ITCH: variants seen among roughly 807,000 people sequenced by gnomAD.
The protein encoded by ITCH is E3 ubiquitin-protein ligase Itchy homolog.
ITCH carries 28 observed loss-of-function variants against 126.8 expected under a neutral mutation model. The observed-to-expected ratio is 0.22, with a 90% confidence interval of 0.16 to 0.30. The LOEUF is 0.30. Among genes scored for constraint, ITCH ranks in the 10% least tolerant of loss-of-function variants. The probability of loss-of-function intolerance (pLI) is 1.00; values close to 1 mark genes in which losing one functional copy is unlikely to be tolerated. For missense variants in ITCH, 631 were observed against 1,032.4 expected (o/e 0.61, Z 5.33); for synonymous variants, 342 against 340.0 (o/e 1.01, Z -0.06).
At chr20:34,487,142 G>T (rs951556398) in intron 20 of ITCH, among the ~76,000 whole-genome samples, 1 of 150,984 alleles carries the variant, frequency 6.6e-6, no homozygotes, top group African/African-American at 2.4e-5. Context: ...CTCCGGAGTA[G>T]CTGGGACTAC....
intron 2 of ITCH, among the ~76,000 whole-genome samples, chr20:34,377,835 T>C (rs1021557698): frequency 3.3e-5 from 5 of 149,332 alleles, no homozygotes; most frequent in African/African-American, 1.2e-4. Context: ...TGTATCACAG[T>C]ACTCCAGCCT....
At chr20:34,506,836 G>A (rs894483799) in intron 24 of ITCH, among the ~76,000 whole-genome samples, 2 of 152,076 alleles carry the variant, frequency 1.3e-5, no homozygotes, top group Non-Finnish European at 2.9e-5. Flanking sequence ...GTCCTTTCCT[G>A]GCTGGCTTAT....
chr20:34,378,998 T>C (rs1388406484), intron 2 of ITCH, among the ~76,000 whole-genome samples: 1 of 152,206 alleles, frequency 6.6e-6, no homozygotes, highest in Non-Finnish European at 1.5e-5. Flanking sequence ...TCTTAAGTTT[T>C]TTGGAGGAAA....
intron 3 of ITCH, among the ~76,000 whole-genome samples, chr20:34,396,730 G>A (rs974003198): frequency 6.6e-6 from 1 of 152,130 alleles, no homozygotes; most frequent in Non-Finnish European, 1.5e-5. Flanking sequence ...GTCTTTTCAT[G>A]TGCTTATTGG....
At chr20:34,386,355 G>A (rs2038283758) in intron 2 of ITCH, among the ~76,000 whole-genome samples, 1 of 152,100 alleles carries the variant, frequency 6.6e-6, no homozygotes, top group Non-Finnish European at 1.5e-5. Context: ...CCTAGATAAT[G>A]GGATCTAGTT....
At chr20:34,431,679 TGAG>T (rs1483928411) in intron 7 of ITCH, among the ~76,000 whole-genome samples, 6 of 152,232 alleles carry the variant, frequency 3.9e-5, no homozygotes, top group African/African-American at 1.4e-4. Flanking sequence ...AAAGGGATGA[TGAG>T]AAGTGGGAGT....
chr20:34,485,819 A>G (rs896201752), intron 20 of ITCH, among the ~76,000 whole-genome samples: 2 of 152,132 alleles, frequency 1.3e-5, no homozygotes, highest in African/African-American at 4.8e-5. Context: ...AGTAGCTGGG[A>G]CTGTAGGCAC....
intron 3 of ITCH, chr20:34,401,713 TAA>T (rs112481430): frequency 7.0e-3 from 4,111 of 588,262 alleles, no homozygotes; most frequent in Middle Eastern, 8.6e-3. Flanking sequence ...GTTAATGAAT[TAA>T]AAAAAAAAAA....
At chr20:34,408,234 A>G (rs768346299) in intron 3 of ITCH, among the ~76,000 whole-genome samples, 2 of 152,072 alleles carry the variant, frequency 1.3e-5, no homozygotes, top group Non-Finnish European at 2.9e-5. Context: ...CACTGTGCCC[A>G]GCTAATTTTT....
Position 34,393,968 on chromosome 20 carries a change from A to AT in ITCH, c.70+88dup, listed in dbSNP as rs1300259726. On this transcript the variant is annotated intron_variant, in intron 3 of 24. Transcript: ENST00000374864. ...CTGAGAGGGCCAGGCATGGTGGCCC[A>AT]TGCCTGTAATCCCAGCACTTTGGGA... The AT allele has an allele frequency of 2.4e-6, 3 of 1,247,798 alleles. No homozygotes were observed. The East Asian group carries it at 7.0e-5, about 29-fold the overall frequency. 77.3% of individuals were successfully genotyped at this position (1,247,798 alleles called of 1,614,324 possible).
intron 7 of ITCH, among the ~76,000 whole-genome samples, chr20:34,435,888 A>G (rs1282252559): frequency 6.6e-6 from 1 of 152,186 alleles, no homozygotes; most frequent in East Asian, 1.9e-4. Flanking sequence ...AGACTGAATA[A>G]AAGATACTGT....
Position 34,424,493 on chromosome 20 carries a change from T to C in ITCH, c.489T>C (p.Asn163=), listed in dbSNP as rs747730187. 5.6e-6 allele frequency: 9 copies of C among 1,613,372 alleles called. No homozygotes were observed. The Admixed American group carries it at 1.5e-4, about 27-fold the overall frequency. ...ETTCSESASQ[N]DDGSRSKDET... ...TTGATGTTAAAGGTGCTTCTCAGAATGATGATGGCTCCAGATCCAAGGATG... is the reference window on the plus strand; with the variant it reads ...TTGATGTTAAAGGTGCTTCTCAGAACGATGATGGCTCCAGATCCAAGGATG... The change falls in exon 7 of 25, where the codon AAT becomes AAC. Residue 163 remains asparagine, a synonymous_variant. Coordinates refer to ENST00000374864, the MANE Select transcript of ITCH (RefSeq NM_031483.7).
At chr20:34,440,123 T>G in intron 8 of ITCH, 32 bp from the exon 9 acceptor site, 1 of 1,493,804 alleles carries the variant, frequency 6.7e-7, no homozygotes, top group African/African-American at 1.4e-5. Context: ...AAATGAAAGA[T>G]TCTTTTCCTA....
At chr20:34,471,402 T>C in intron 15 of ITCH, 42 bp from the exon 16 acceptor site, 1 of 1,206,102 alleles carries the variant, frequency 8.3e-7, no homozygotes, top group Non-Finnish European at 1.2e-6. Flanking sequence ...TGATAGGCTA[T>C]TTTAATGATG....
At chr20:34,481,455 A>G (rs775783349) in intron 20 of ITCH, among the ~76,000 whole-genome samples, 3 of 152,208 alleles carry the variant, frequency 2.0e-5, no homozygotes, top group Non-Finnish European at 2.9e-5. Context: ...GCTGTATAAC[A>G]TGTCATTAAA....
intron 2 of ITCH, among the ~76,000 whole-genome samples, chr20:34,369,865 G>T (rs981929207): frequency 2.0e-5 from 3 of 151,772 alleles, no homozygotes; most frequent in Non-Finnish European, 2.9e-5. Flanking sequence ...GCACTTTGTG[G>T]GGCGAAGGTG....
At chr20:34,424,740 C>T (rs186385185) in intron 7 of ITCH, among the ~76,000 whole-genome samples, 1 of 152,194 alleles carries the variant, frequency 6.6e-6, no homozygotes, top group Middle Eastern at 3.2e-3. Flanking sequence ...ATTGTTGATA[C>T]TTCTTCAGCT....
At chr20:34,480,332 G>A (rs1368190964) in intron 18 of ITCH, among the ~76,000 whole-genome samples, 3 of 151,968 alleles carry the variant, frequency 2.0e-5, no homozygotes, top group South Asian at 2.1e-4. Flanking sequence ...CGAGTAGCTG[G>A]GATTACAAAC....
chr20:34,400,905 G>A (rs2038860362), intron 3 of ITCH, among the ~76,000 whole-genome samples: 1 of 152,044 alleles, frequency 6.6e-6, no homozygotes, highest in Non-Finnish European at 1.5e-5. Context: ...TTGCAGGCAT[G>A]CACCACTGTG....
Sources: gnomAD v4.1 joint callset for allele counts (sites outside exome capture counted in the v4.1 genomes callset) on GRCh38, gnomAD v4.1.1 for gene constraint, MANE v1.5 for transcripts, NCBI Gene and HGNC (gene_info 2026-07-23, HGNC 2026-07-21) for gene names.